The following TCEA3 variants were observed in gnomAD, a reference collection of about 807,000 sequenced individuals.
The protein encoded by TCEA3 is transcription elongation factor A3.
A neutral mutation model predicts 44.0 loss-of-function variants in TCEA3; 36 were observed. That is an observed-to-expected ratio of 0.82 (90% CI 0.63 to 1.08). TCEA3 has a LOEUF of 1.08. Ranked by LOEUF, TCEA3 falls within the 50% of genes least tolerant of loss-of-function variation. The pLI, the probability that TCEA3 is intolerant of heterozygous loss-of-function variation, is 0.00. For missense variants in TCEA3, 392 were observed against 441.2 expected (o/e 0.89, Z 1.00); for synonymous variants, 162 against 159.7 (o/e 1.01, Z -0.11).
intron 7 of TCEA3, among the ~76,000 whole-genome samples, chr1:23,395,504 T>A (rs1639189356): frequency 6.6e-6 from 1 of 152,248 alleles, no homozygotes; most frequent in Non-Finnish European, 1.5e-5. Context: ...AAGTGTTTGA[T>A]GCAGCTTTGA....
At chr1:23,410,570 A>C (rs1639678513) in intron 4 of TCEA3, among the ~76,000 whole-genome samples, 1 of 152,040 alleles carries the variant, frequency 6.6e-6, no homozygotes, top group African/African-American at 2.4e-5. Flanking sequence ...TGGGAGGCCA[A>C]AGTGGGCAGA....
chr1:23,416,617 G>C (rs1305056645), intron 4 of TCEA3, among the ~76,000 whole-genome samples: 2 of 152,024 alleles, frequency 1.3e-5, no homozygotes. Flanking sequence ...TCAGCCTCCA[G>C]AGTAGTTAGG....
chr1:23,419,201 G>T, intron 1 of TCEA3, 62 bp from the exon 2 acceptor site: 1 of 1,333,300 alleles, frequency 7.5e-7, no homozygotes, highest in Non-Finnish European at 1.0e-6. Context: ...TCTGACTATT[G>T]TGTGGTCTTG....
intron 7 of TCEA3, among the ~76,000 whole-genome samples, chr1:23,395,203 ATG>A (rs1158745712): frequency 6.6e-6 from 1 of 152,254 alleles, no homozygotes; most frequent in Non-Finnish European, 1.5e-5. Context: ...AAGCCAAAAA[ATG>A]TGTTTTAAAA....
At chr1:23,414,323 C>T (rs1639825915) in intron 4 of TCEA3, among the ~76,000 whole-genome samples, 1 of 152,116 alleles carries the variant, frequency 6.6e-6, no homozygotes, top group Admixed American at 6.5e-5. Flanking sequence ...AACTCCTGAC[C>T]TCATGATCTG....
intron 10 of TCEA3, chr1:23,383,983 A>G: frequency 1.8e-6 from 2 of 1,094,510 alleles, no homozygotes; most frequent in Non-Finnish European, 2.2e-6. Context: ...AGGAAATACC[A>G]TCTGTGGAAG....
intron 5 of TCEA3, among the ~76,000 whole-genome samples, chr1:23,402,660 C>T (rs573863362): frequency 6.6e-5 from 10 of 152,268 alleles, no homozygotes; most frequent in African/African-American, 2.2e-4. Flanking sequence ...CCTGATTTCT[C>T]GCTTTTACAG....
At chr1:23,401,814 C>G (rs563329945) in intron 5 of TCEA3, among the ~76,000 whole-genome samples, 1 of 152,114 alleles carries the variant, frequency 6.6e-6, no homozygotes, top group Non-Finnish European at 1.5e-5. Context: ...TGTTAGGAAC[C>G]GGGCCACACA....
At chr1:23,417,657 G>A (rs1274732559) in intron 3 of TCEA3, among the ~76,000 whole-genome samples, 3 of 152,204 alleles carry the variant, frequency 2.0e-5, no homozygotes, top group African/African-American at 7.2e-5. Context: ...GTACTATATA[G>A]ACAAATGCAT....
At chr1:23,407,984 T>TG (rs1204599008) in intron 5 of TCEA3, among the ~76,000 whole-genome samples, 1 of 152,062 alleles carries the variant, frequency 6.6e-6, no homozygotes, top group Non-Finnish European at 1.5e-5. Context: ...GTTTTTGAGA[T>TG]GGGGTCTCAC....
chr1:23,413,880 A>G (rs1256124168), intron 4 of TCEA3, among the ~76,000 whole-genome samples: 1 of 151,770 alleles, frequency 6.6e-6, no homozygotes, highest in Non-Finnish European at 1.5e-5. Context: ...TATGTACATG[A>G]AAAGGTTACA....
chr1:23,412,841 G>A (rs546465324), intron 4 of TCEA3, among the ~76,000 whole-genome samples: 1 of 152,318 alleles, frequency 6.6e-6, no homozygotes, highest in Admixed American at 6.5e-5. Flanking sequence ...TATTTCCCAT[G>A]CTTATTCTAA....
intron 5 of TCEA3, among the ~76,000 whole-genome samples, chr1:23,407,331 C>T (rs1639572235): frequency 6.6e-6 from 1 of 152,218 alleles, no homozygotes; most frequent in Admixed American, 6.5e-5. Flanking sequence ...AGCCTCCTGG[C>T]TGGTGTTGCT....
At chr1:23,406,869 G>C (rs1331115072) in intron 5 of TCEA3, among the ~76,000 whole-genome samples, 2 of 152,118 alleles carry the variant, frequency 1.3e-5, no homozygotes, top group African/African-American at 2.4e-5. Context: ...TGATCTGCCC[G>C]CCTCGGCCTC....
intron 1 of TCEA3, 91 bp from the exon 2 acceptor site, chr1:23,419,230 T>TAGAG: frequency 1.1e-6 from 1 of 950,506 alleles, no homozygotes; most frequent in East Asian, 2.8e-5. Flanking sequence ...AGCAGGAGGA[T>TAGAG]ACAGACAGAC....
chr1:23,387,524 T>G (rs769397403), intron 8 of TCEA3, 105 bp from the exon 9 acceptor site: 12 of 1,334,352 alleles, frequency 9.0e-6, no homozygotes, highest in Non-Finnish European at 1.1e-5. Context: ...ACATGCTTTA[T>G]TGACTGCAAG....
At chr1:23,410,188 GTTC>G (rs1489237986) in intron 4 of TCEA3, among the ~76,000 whole-genome samples, 6 of 151,982 alleles carry the variant, frequency 3.9e-5, no homozygotes, top group African/African-American at 1.4e-4. Flanking sequence ...GGCCCTGGGA[GTTC>G]TTCTGTGGGG....
Position 23,384,331 on chromosome 1 carries a change from C to T in TCEA3, c.1038+15G>A, listed in dbSNP as rs753766780. 92 of 1,613,760 alleles carry T rather than the reference C, an allele frequency of 5.7e-5. No individual in the cohort carries two copies. The highest frequency in any genetic ancestry group is 1.3e-4 in the Admixed American group (8 of 60,000). On this transcript the variant is annotated intron_variant, in intron 10 of 10. Transcript: ENST00000450454. ...GTGGATAACAGGGAAGGGGGAAATA[C>T]ATAAACATACAGACCTTCCAGCGAT...
intron 5 of TCEA3, chr1:23,404,258 C>T (rs1639480330): frequency 2.9e-6 from 2 of 690,664 alleles, no homozygotes; most frequent in Non-Finnish European, 5.3e-6. Flanking sequence ...GGTCTGCTTC[C>T]TGGTACTCCA....
Sources: allele counts gnomAD v4.1 joint callset (sites outside exome capture counted in the v4.1 genomes callset), GRCh38; gene constraint gnomAD v4.1.1; transcripts MANE v1.5; gene names NCBI Gene and HGNC (gene_info 2026-07-23, HGNC 2026-07-21).